TRAK2: variants seen among roughly 807,000 people sequenced by gnomAD.
TRAK2 encodes the protein trafficking kinesin protein 2, also known as trafficking kinesin-binding protein 2.
TRAK2 carries 81 observed loss-of-function variants against 104.6 expected under a neutral mutation model. That is an observed-to-expected ratio of 0.77 (90% CI 0.65 to 0.93). TRAK2 has a LOEUF of 0.93. Among genes scored for constraint, TRAK2 ranks in the 40% least tolerant of loss-of-function variants. The pLI is 0.00. For missense variants in TRAK2, 1,002 were observed against 1,089.0 expected, an observed-to-expected ratio of 0.92 and a Z score of 1.12; for synonymous variants, 406 against 394.4, an observed-to-expected ratio of 1.03 and a Z score of -0.35.
intron 2 of TRAK2, among the ~76,000 whole-genome samples, chr2:201,414,562 CAGA>C (rs1466559963): frequency 2.0e-5 from 3 of 152,126 alleles, no homozygotes; most frequent in Non-Finnish European, 4.4e-5. Context: ...CCTATTCACC[CAGA>C]AGGAGAAGCA....
intron 1 of TRAK2, among the ~76,000 whole-genome samples, chr2:201,442,933 T>A (rs542345027): frequency 3.3e-5 from 5 of 152,236 alleles, no homozygotes; most frequent in Non-Finnish European, 7.3e-5. Flanking sequence ...CATGTGTATA[T>A]GTATACCCAG....
Position 201,386,333 on chromosome 2 carries a change from C to T in TRAK2, c.1848G>A (p.Glu616=), listed in dbSNP as rs1306728573. The T allele has an allele frequency of 3.1e-6, 5 of 1,614,018 alleles. No individual in the cohort carries two copies. Among genetic ancestry groups the T allele is most frequent in the South Asian group, 2.2e-5 (2 of 91,088 alleles). The part of the protein sequence containing the change: ...HISDLEEDEE[E]GITFQVQQPL... ...GTTGCTGAACCTGAAAAGTAATACC[C>T]TCCTCTTCATCCTCTTCTAAATCTG... Residue 616 remains glutamate, a synonymous_variant, in exon 14 of 16, where the codon GAG becomes GAA. Coordinates refer to ENST00000332624, the MANE Select transcript of TRAK2 (RefSeq NM_015049.3).
At chr2:201,402,879 C>T (rs1379790581) in intron 3 of TRAK2, among the ~76,000 whole-genome samples, 1 of 152,136 alleles carries the variant, frequency 6.6e-6, no homozygotes, top group East Asian at 1.9e-4. Flanking sequence ...AGAAGATTCC[C>T]AGGTGTTGAA....
At chr2:201,423,037 C>CCACCACACA (rs776613893) in intron 1 of TRAK2, among the ~76,000 whole-genome samples, 61 of 134,226 alleles carry the variant, frequency 4.5e-4, no homozygotes, top group African/African-American at 1.7e-3. Context: ...AACACCACCA[C>CCACCACACA]CACACACACA....
At chr2:201,416,712 ATAC>A in intron 2 of TRAK2, among the ~76,000 whole-genome samples, 1 of 152,264 alleles carries the variant, frequency 6.6e-6, no homozygotes, top group South Asian at 2.1e-4. Context: ...AAATGGAAGA[ATAC>A]TGTTTTAAGA....
intron 1 of TRAK2, among the ~76,000 whole-genome samples, chr2:201,431,902 G>A (rs1951845268): frequency 6.6e-6 from 1 of 152,120 alleles, no homozygotes; most frequent in Non-Finnish European, 1.5e-5. Flanking sequence ...TCTACTTTAT[G>A]GGGACTAAGT....
chr2:201,417,458 C>T (rs900883902), intron 2 of TRAK2, among the ~76,000 whole-genome samples: 3 of 151,938 alleles, frequency 2.0e-5, no homozygotes, highest in African/African-American at 7.3e-5. Context: ...CAAAACTAAA[C>T]CAACAGAATT....
intron 2 of TRAK2, chr2:201,411,944 G>T (rs1214530290): frequency 2.0e-6 from 2 of 981,482 alleles, no homozygotes; most frequent in Non-Finnish European, 1.7e-6. Flanking sequence ...TTGAATGGAA[G>T]GAGCTTCTAG....
intron 10 of TRAK2, among the ~76,000 whole-genome samples, chr2:201,390,454 C>T (rs1951436240): frequency 6.8e-6 from 1 of 148,090 alleles, no homozygotes; most frequent in Non-Finnish European, 1.5e-5. Flanking sequence ...GTCCCAGCTA[C>T]TCGGGAGGCT....
In TRAK2 at chr2:201,381,076, T is replaced by C; in HGVS notation, c.2212A>G (p.Thr738Ala). 1 of 1,614,120 alleles carries C rather than the reference T, an allele frequency of 6.2e-7. No individual in the cohort carries two copies. The highest frequency in any genetic ancestry group is 8.5e-7 in the Non-Finnish European group (1 of 1,179,986). ...TGTAGAAGTTTGGCCAAGCTCATGGTGCTACTGAAGGTTGTAGTGGAATCT... is the reference window on the plus strand; with the variant it reads ...TGTAGAAGTTTGGCCAAGCTCATGGCGCTACTGAAGGTTGTAGTGGAATCT... ...RRDSTTTFSSTMSLAKLLQER... is the reference protein window; with the variant it reads ...RRDSTTTFSSAMSLAKLLQER... Residue 738 changes from threonine (T) to alanine (A), a missense_variant, in exon 16 of 16, where the codon ACC becomes GCC. Thr to Ala is a moderately conservative substitution (Grantham distance 58). Coordinates refer to ENST00000332624, the MANE Select transcript of TRAK2 (RefSeq NM_015049.3).
At chr2:201,428,735 T>C (rs570632395) in intron 1 of TRAK2, among the ~76,000 whole-genome samples, 14 of 152,346 alleles carry the variant, frequency 9.2e-5, no homozygotes, top group Admixed American at 2.6e-4. Context: ...GGGGATGGCA[T>C]TGAATCTATA....
At chr2:201,433,906 T>C (rs1951862261) in intron 1 of TRAK2, among the ~76,000 whole-genome samples, 1 of 152,018 alleles carries the variant, frequency 6.6e-6, no homozygotes, top group Non-Finnish European at 1.5e-5. Context: ...TGGCTGATTG[T>C]CAGCTGCATG....
Position 201,380,234 on chromosome 2 carries a change from T to C in TRAK2, c.*309A>G. ...CAGCAAGTTCAGTATCTCTGTATGT[T>C]TTAGTATTACTGAATTTATTTGTAT... On this transcript the variant is annotated 3_prime_UTR_variant, in exon 16 of 16. Coordinates refer to ENST00000332624, the MANE Select transcript of TRAK2 (RefSeq NM_015049.3). 1 of 364,650 alleles carries C rather than the reference T, an allele frequency of 2.7e-6. No homozygotes were observed. Among genetic ancestry groups the C allele is most frequent in the Admixed American group, 4.2e-5 (1 of 23,998 alleles). 22.6% of individuals were successfully genotyped at this position (364,650 alleles called of 1,614,324 possible).
At chr2:201,391,975 G>A (rs1193709634) in intron 10 of TRAK2, among the ~76,000 whole-genome samples, 1 of 152,172 alleles carries the variant, frequency 6.6e-6, no homozygotes, top group Non-Finnish European at 1.5e-5. Flanking sequence ...TGATAATACT[G>A]CATAAACATC....
At chr2:201,417,241 C>CAAAAAAAAAAAAAAAAGAAAAAAAAAAA (rs1951700395) in intron 2 of TRAK2, among the ~76,000 whole-genome samples, 1 of 88,432 alleles carries the variant, frequency 1.1e-5, no homozygotes, top group Non-Finnish European at 2.2e-5. Context: ...GAAGACATTG[C>CAAAAAAAAAAAAAAAAGAAAAAAAAAAA]AAAAAAAAAA....
chr2:201,387,258 C>T (rs1393728814), intron 13 of TRAK2, among the ~76,000 whole-genome samples: 1 of 151,884 alleles, frequency 6.6e-6, no homozygotes, highest in African/African-American at 2.4e-5. Context: ...AGAAACTAAA[C>T]TGAAAAAAGG....
intron 1 of TRAK2, among the ~76,000 whole-genome samples, chr2:201,443,434 T>G (rs1314816273): frequency 6.6e-6 from 1 of 152,208 alleles, no homozygotes; most frequent in Admixed American, 6.5e-5. Flanking sequence ...TCCCTCCCCT[T>G]GGTCTTTAAA....
At chr2:201,412,712 C>T (rs1951658815) in intron 2 of TRAK2, 2 of 1,426,388 alleles carry the variant, frequency 1.4e-6, no homozygotes, top group South Asian at 2.3e-5. Flanking sequence ...GTTGATGATA[C>T]ACAACAATCA....
At chr2:201,428,473 G>T (rs1029507888) in intron 1 of TRAK2, among the ~76,000 whole-genome samples, 1 of 152,166 alleles carries the variant, frequency 6.6e-6, no homozygotes, top group Non-Finnish European at 1.5e-5. Context: ...AAGATCAGAT[G>T]GTTGTAGATG....
Sources: gnomAD v4.1 joint callset for allele counts (sites outside exome capture counted in the v4.1 genomes callset) on GRCh38, gnomAD v4.1.1 for gene constraint, MANE v1.5 for transcripts, NCBI Gene and HGNC (gene_info 2026-07-23, HGNC 2026-07-21) for gene names.